The following MAML3 variants were observed in gnomAD, a reference collection of about 807,000 sequenced individuals.
MAML3 encodes mastermind like transcriptional coactivator 3.
MAML3 carries 27 observed loss-of-function variants against 101.9 expected under a neutral mutation model. The observed-to-expected ratio is 0.27, with a 90% CI of 0.20 to 0.37. The LOEUF (loss-of-function observed/expected upper bound fraction) is 0.37, where lower values mean the gene tolerates loss of function less well. Among genes scored for constraint, MAML3 ranks in the 10% least tolerant of loss-of-function variants. The pLI, the probability that MAML3 is intolerant of heterozygous loss-of-function variation, is 1.00. For synonymous variants in MAML3, 501 were observed against 555.9 expected (o/e 0.90, Z 1.39); for missense variants, 1,316 against 1,444.9 (o/e 0.91, Z 1.45).
intron 1 of MAML3, among the ~76,000 whole-genome samples, chr4:139,983,154 TA>T (rs1182075498): frequency 1.3e-5 from 2 of 152,220 alleles, no homozygotes; most frequent in Non-Finnish European, 2.9e-5. Context: ...CTTTGTGCTG[TA>T]AAACTCCATT....
chr4:139,853,744 G>A (rs1405075427), intron 2 of MAML3, among the ~76,000 whole-genome samples: 2 of 152,134 alleles, frequency 1.3e-5, no homozygotes, highest in Non-Finnish European at 2.9e-5. Flanking sequence ...GAGTGGGAGT[G>A]GAGAGGGGTG....
intron 2 of MAML3, among the ~76,000 whole-genome samples, chr4:139,822,657 A>G (rs1730994978): frequency 6.6e-6 from 1 of 152,230 alleles, no homozygotes; most frequent in Non-Finnish European, 1.5e-5. Context: ...CTGCAGAGGT[A>G]CACACAAACA....
chr4:139,946,844 A>G (rs1733736702), intron 1 of MAML3, among the ~76,000 whole-genome samples: 1 of 151,838 alleles, frequency 6.6e-6, no homozygotes, highest in African/African-American at 2.4e-5. Context: ...TGATGTTTCA[A>G]AAGGAAAACA....
At chr4:140,088,814 T>G (rs2110978520) in intron 1 of MAML3, among the ~76,000 whole-genome samples, 1 of 152,356 alleles carries the variant, frequency 6.6e-6, no homozygotes, top group Middle Eastern at 3.4e-3. Flanking sequence ...GTTTTCTGTG[T>G]ACTATTTCAC....
intron 1 of MAML3, among the ~76,000 whole-genome samples, chr4:139,921,218 A>T (rs1012898046): frequency 6.6e-6 from 1 of 152,242 alleles, no homozygotes; most frequent in East Asian, 1.9e-4. Flanking sequence ...ACGAACTCCC[A>T]ACTCACATCC....
At chr4:139,790,836 A>T (rs1457559219) in intron 2 of MAML3, among the ~76,000 whole-genome samples, 3 of 152,212 alleles carry the variant, frequency 2.0e-5, no homozygotes, top group African/African-American at 7.2e-5. Flanking sequence ...GGCTATTGTG[A>T]ATAATGCTGT....
In MAML3 at chr4:139,735,595, C is replaced by G. The variant is rs1474599583; in HGVS notation, c.2080-4928G>C. Reference sequence around the variant, plus strand: ...ATAAGGAGCGAGCCTCGGGTCGGCCCGGCACCGCTGCTTCGGCTCAGAGTC... The same window carrying G: ...ATAAGGAGCGAGCCTCGGGTCGGCCGGGCACCGCTGCTTCGGCTCAGAGTC... On this transcript the variant is annotated intron_variant, in intron 2 of 4. Transcript: ENST00000509479. The surrounding 1 kb of genome is among the most constrained non-coding windows in gnomAD (Gnocchi z 5.8). Among the ~76,000 whole-genome samples, 1 of 152,150 alleles carries G rather than the reference C, an allele frequency of 6.6e-6. No homozygotes were observed. Among genetic ancestry groups the G allele is most frequent in the African/African-American group, 2.4e-5 (1 of 41,434 alleles).
intron 2 of MAML3, among the ~76,000 whole-genome samples, chr4:139,774,287 C>T (rs889823003): frequency 2.6e-5 from 4 of 152,176 alleles, no homozygotes; most frequent in African/African-American, 9.6e-5. Context: ...TTTAACTGGG[C>T]GATACTCTGT....
chr4:139,959,417 A>C (rs1435651014), intron 1 of MAML3, among the ~76,000 whole-genome samples: 1 of 152,220 alleles, frequency 6.6e-6, no homozygotes, highest in African/African-American at 2.4e-5. Flanking sequence ...TTAGTTCTTA[A>C]AATGCCTTGG....
In MAML3 at chr4:140,153,242, G is replaced by A. The variant is rs987360439; in HGVS notation, c.86C>T (p.Ala29Val). Residue 29 changes from alanine to valine, a missense_variant, in exon 1 of 5, where the codon GCC becomes GTC. Ala to Val is a moderately conservative substitution (Grantham distance 64). Coordinates refer to ENST00000509479, the MANE Select transcript of MAML3 (RefSeq NM_018717.5). ...NSSLNSSLGG[A>V]GIGVNNTPNS... Reference sequence around the variant, plus strand: ...GGGAGTATTATTCACACCGATCCCGGCCCCGCCGAGGCTGCTGTTCAGGCT... The same window carrying A: ...GGGAGTATTATTCACACCGATCCCGACCCCGCCGAGGCTGCTGTTCAGGCT... 1.9e-6 allele frequency: 3 copies of A among 1,597,672 alleles called. No homozygotes were observed. Among genetic ancestry groups the A allele is most frequent in the Non-Finnish European group, 2.6e-6 (3 of 1,172,050 alleles).
intron 1 of MAML3, among the ~76,000 whole-genome samples, chr4:139,945,615 T>C (rs984363061): frequency 1.3e-5 from 2 of 152,246 alleles, no homozygotes; most frequent in Non-Finnish European, 2.9e-5. Flanking sequence ...TAATAAATCA[T>C]GTTAACTTTA....
Position 139,720,176 on chromosome 4 carries a change from T to G in MAML3, c.2564A>C (p.Glu855Ala). The G allele has an allele frequency of 6.2e-7, 1 of 1,614,046 alleles. No homozygotes were observed. Among genetic ancestry groups the G allele is most frequent in the Non-Finnish European group, 8.5e-7 (1 of 1,179,902 alleles). ...GTMATAAAQS[E>A]MGLAPYSTTP... Reference sequence around the variant, plus strand: ...GGTGCTATAAGGGGCCAGTCCCATCTCCGACTGCGCAGCTGCGGTGGCCAT... The same window carrying G: ...GGTGCTATAAGGGGCCAGTCCCATCGCCGACTGCGCAGCTGCGGTGGCCAT... Residue 855 changes from glutamate to alanine, a missense_variant, in exon 5 of 5, where the codon GAG becomes GCG. Coordinates refer to ENST00000509479, the MANE Select transcript of MAML3 (RefSeq NM_018717.5).
intron 2 of MAML3, among the ~76,000 whole-genome samples, chr4:139,747,460 G>C (rs573343766): frequency 6.6e-6 from 1 of 152,108 alleles, no homozygotes; most frequent in Non-Finnish European, 1.5e-5. Context: ...TTGGGAGGCC[G>C]AGGCAGGTGG....
chr4:140,069,747 T>C (rs961382002), intron 1 of MAML3, among the ~76,000 whole-genome samples: 1 of 151,890 alleles, frequency 6.6e-6, no homozygotes, highest in Admixed American at 6.6e-5. Flanking sequence ...ATGCATTTAG[T>C]AGCAGAAGGA....
intron 2 of MAML3, among the ~76,000 whole-genome samples, chr4:139,798,487 T>G (rs953374860): frequency 7.2e-5 from 11 of 152,336 alleles, no homozygotes; most frequent in African/African-American, 2.6e-4. Context: ...GGTACCACAC[T>G]GGCCCACCTT....
At chr4:140,151,302 G>T (rs192314919) in intron 1 of MAML3, among the ~76,000 whole-genome samples, 2 of 152,094 alleles carry the variant, frequency 1.3e-5, no homozygotes, top group Admixed American at 1.3e-4. Flanking sequence ...GGGAGGAGGG[G>T]TTGAGCGCCC....
intron 1 of MAML3, among the ~76,000 whole-genome samples, chr4:139,993,215 G>T (rs1161259343): frequency 2.0e-5 from 3 of 151,768 alleles, no homozygotes; most frequent in African/African-American, 4.8e-5. Flanking sequence ...AACCAGGCAT[G>T]GTGGCACACC....
chr4:140,011,752 G>A (rs1303264958), intron 1 of MAML3, among the ~76,000 whole-genome samples: 1 of 152,136 alleles, frequency 6.6e-6, no homozygotes, highest in Non-Finnish European at 1.5e-5. Flanking sequence ...CTCTCTGCCT[G>A]TTTGTGCACT....
chr4:139,884,510 C>A (rs1425741244), intron 2 of MAML3, among the ~76,000 whole-genome samples: 1 of 152,228 alleles, frequency 6.6e-6, no homozygotes, highest in Non-Finnish European at 1.5e-5. Flanking sequence ...TCCCTTTCTG[C>A]TCTTCCCCAC....
Sources: gnomAD v4.1 joint callset for allele counts (sites outside exome capture counted in the v4.1 genomes callset) on GRCh38, gnomAD v4.1.1 for gene constraint, Gnocchi (gnomAD v3.1) non-coding constraint, MANE v1.5 for transcripts, NCBI Gene and HGNC (gene_info 2026-07-23, HGNC 2026-07-21) for gene names.